The following ARL15 variants were observed in gnomAD, a reference collection of about 807,000 sequenced individuals.
The protein encoded by ARL15 is ARF like GTPase 15, also known as ADP-ribosylation factor-like protein 15.
In ARL15, 19 loss-of-function variants were observed where a neutral mutation model predicts 25.2. The observed-to-expected ratio is 0.75, with a 90% confidence interval of 0.53 to 1.10. ARL15 has a LOEUF of 1.10. ARL15 is among the 50% of genes least tolerant of loss of function. ARL15 has a pLI of 0.00. For missense variants in ARL15, 220 were observed against 246.0 expected, an observed-to-expected ratio of 0.89 and a Z score of 0.71; for synonymous variants, 94 against 86.8, an observed-to-expected ratio of 1.08 and a Z score of -0.46.
intron 1 of ARL15, among the ~76,000 whole-genome samples, chr5:54,238,645 C>A (rs1341340384): frequency 6.6e-6 from 1 of 152,206 alleles, no homozygotes; most frequent in Non-Finnish European, 1.5e-5. Context: ...GCCGACTTCA[C>A]AGACCAACTG....
intron 4 of ARL15, among the ~76,000 whole-genome samples, chr5:54,097,281 C>T (rs752773521): frequency 1.3e-5 from 2 of 151,586 alleles, no homozygotes; most frequent in Non-Finnish European, 2.9e-5. Context: ...CACATCACTG[C>T]ACTACAGCCT....
intron 4 of ARL15, among the ~76,000 whole-genome samples, chr5:54,035,431 A>T (rs1750137975): frequency 6.6e-6 from 1 of 152,196 alleles, no homozygotes; most frequent in Non-Finnish European, 1.5e-5. Context: ...ACATATCCTT[A>T]TAGGTTTCCT....
At chr5:54,153,662 C>G (rs1335390910) in intron 3 of ARL15, among the ~76,000 whole-genome samples, 3 of 152,048 alleles carry the variant, frequency 2.0e-5, no homozygotes, top group African/African-American at 7.2e-5. Flanking sequence ...CGAACCTGTC[C>G]TACACATAGC....
chr5:53,996,556 T>G (rs3776722), intron 4 of ARL15, among the ~76,000 whole-genome samples: 2 of 148,192 alleles, frequency 1.3e-5, no homozygotes, highest in Admixed American at 1.3e-4. Flanking sequence ...GAGGCGGAGG[T>G]TGCAGTGCGC....
At chr5:54,018,777 C>A (rs1484476952) in intron 4 of ARL15, among the ~76,000 whole-genome samples, 2 of 152,206 alleles carry the variant, frequency 1.3e-5, no homozygotes, top group Non-Finnish European at 2.9e-5. Flanking sequence ...CATCCCTTCA[C>A]AGCTAAACAA....
intron 3 of ARL15, among the ~76,000 whole-genome samples, chr5:54,114,181 T>G (rs1475025439): frequency 6.6e-6 from 1 of 151,974 alleles, no homozygotes; most frequent in Non-Finnish European, 1.5e-5. Flanking sequence ...GTGAATCACC[T>G]GAGGTCAGGA....
At chr5:54,080,938 G>A (rs1751778201) in intron 4 of ARL15, among the ~76,000 whole-genome samples, 1 of 152,112 alleles carries the variant, frequency 6.6e-6, no homozygotes, top group Non-Finnish European at 1.5e-5. Flanking sequence ...GCATGCAGAT[G>A]GCCACTTCCT....
chr5:54,124,013 G>A (rs778387620), intron 3 of ARL15, among the ~76,000 whole-genome samples: 3 of 152,086 alleles, frequency 2.0e-5, no homozygotes, highest in East Asian at 3.9e-4. Flanking sequence ...AGTTTCCCAC[G>A]AAGAACACAC....
At chr5:54,210,253 A>G (rs1392244979) in intron 1 of ARL15, among the ~76,000 whole-genome samples, 1 of 152,194 alleles carries the variant, frequency 6.6e-6, no homozygotes, top group African/African-American at 2.4e-5. Flanking sequence ...CATCATTACC[A>G]TAAAATCCTC....
At chr5:53,944,032 G>T (rs1194432459) in intron 4 of ARL15, among the ~76,000 whole-genome samples, 1 of 152,146 alleles carries the variant, frequency 6.6e-6, no homozygotes, top group African/African-American at 2.4e-5. Context: ...ACATGGGCAT[G>T]GGAGATAAAA....
At chr5:54,046,410 G>C (rs1466044182) in intron 4 of ARL15, among the ~76,000 whole-genome samples, 1 of 152,178 alleles carries the variant, frequency 6.6e-6, no homozygotes, top group Non-Finnish European at 1.5e-5. Flanking sequence ...GAACCCAGGA[G>C]GCAGAGGTTG....
At chr5:54,278,035 A>G (rs1281083819) in intron 1 of ARL15, among the ~76,000 whole-genome samples, 1 of 152,194 alleles carries the variant, frequency 6.6e-6, no homozygotes, top group East Asian at 1.9e-4. Flanking sequence ...AATGTTGGCC[A>G]AAAGGGTCCA....
At chr5:54,028,789 A>C (rs1174905463) in intron 4 of ARL15, among the ~76,000 whole-genome samples, 2 of 152,136 alleles carry the variant, frequency 1.3e-5, no homozygotes, top group African/African-American at 2.4e-5. Context: ...AAGTGGGAGG[A>C]TCATTTAAGA....
chr5:54,196,831 G>A (rs1755563347), intron 1 of ARL15, among the ~76,000 whole-genome samples: 1 of 152,138 alleles, frequency 6.6e-6, no homozygotes, highest in Non-Finnish European at 1.5e-5. Context: ...ATAGAAATGT[G>A]AACATACAGT....
intron 4 of ARL15, among the ~76,000 whole-genome samples, chr5:54,097,318 A>AC (rs1241133947): frequency 1.3e-5 from 2 of 151,772 alleles, no homozygotes; most frequent in African/African-American, 2.4e-5. Context: ...TCCATCTCAA[A>AC]AAACAAACAA....
At chr5:53,951,628 C>T in intron 4 of ARL15, 1 of 449,754 alleles carries the variant, frequency 2.2e-6, no homozygotes, top group South Asian at 1.7e-5. Context: ...TACTCCTTCC[C>T]TATATACTCC....
chr5:54,128,997 C>T (rs1294175182), intron 3 of ARL15, among the ~76,000 whole-genome samples: 2 of 152,078 alleles, frequency 1.3e-5, no homozygotes, highest in Non-Finnish European at 2.9e-5. Context: ...GGCCACGGCG[C>T]CTGGCCTTAC....
At chr5:54,161,437 C>A (rs1353905455) in intron 2 of ARL15, among the ~76,000 whole-genome samples, 2 of 152,096 alleles carry the variant, frequency 1.3e-5, no homozygotes, top group Non-Finnish European at 2.9e-5. Context: ...CATGTGCATA[C>A]CAATGCCACT....
chr5:54,222,500 G>A (rs776465795), intron 1 of ARL15, among the ~76,000 whole-genome samples: 6 of 152,296 alleles, frequency 3.9e-5, no homozygotes, highest in Admixed American at 1.3e-4. Context: ...GGAGCTTCTC[G>A]TCTAGGTTAA....
Sources: gnomAD v4.1 joint callset for allele counts (sites outside exome capture counted in the v4.1 genomes callset) on GRCh38, gnomAD v4.1.1 for gene constraint, MANE v1.5 for transcripts, NCBI Gene and HGNC (gene_info 2026-07-23, HGNC 2026-07-21) for gene names.